RPA3: variants seen among roughly 807,000 people sequenced by gnomAD.
RPA3 encodes the protein replication protein A 14 kDa subunit.
Under a neutral mutation model 13.7 loss-of-function variants are expected in RPA3, and 24 were observed. That is an observed-to-expected ratio of 1.75 (90% confidence interval 1.27 to 2.46). The LOEUF is 2.46. RPA3 is among the 30% of genes most tolerant of loss of function. The probability of loss-of-function intolerance (pLI) is 0.00; values close to 1 mark genes in which losing one functional copy is unlikely to be tolerated. For synonymous variants in RPA3, 59 were observed against 51.2 expected (o/e 1.15, Z -0.65); for missense variants, 183 against 151.0 (o/e 1.21, Z -1.11).
rs538596529 is a variant in RPA3, at chr7:7,640,519, A to G, written c.-101T>C. Reference sequence around the variant, plus strand: ...GCAGATTTCTCGGCACCAATCAGCGAAGACTAGCGCTCCAGCTTCGCCAAT... The same window carrying G: ...GCAGATTTCTCGGCACCAATCAGCGGAGACTAGCGCTCCAGCTTCGCCAAT... On this transcript the variant is annotated 5_prime_UTR_variant, in exon 5 of 8. Transcript: ENST00000223129. 39 of 1,058,046 alleles carry G rather than the reference A, an allele frequency of 3.7e-5. No homozygotes were observed. Among genetic ancestry groups the G allele is most frequent in the Non-Finnish European group, 5.5e-5 (38 of 696,144 alleles). The allele number at this position is 1,058,046 out of a possible 1,614,324, so 65.5% of individuals were successfully genotyped here.
Position 7,636,837 on chromosome 7 carries a change from G to C in RPA3, c.*163C>G. The C allele has an allele frequency of 1.7e-6, 1 of 602,186 alleles. No individual in the cohort carries two copies. The highest frequency in any genetic ancestry group is 2.9e-6 in the Non-Finnish European group (1 of 340,470). The allele number at this position is 602,186 out of a possible 1,614,324, so 37.3% of individuals were successfully genotyped here. ...ATTCTTTATAAAAGGACTTCGGTGA[G>C]AACTGTCAATATATCAGTTCCATCA... is the stretch of plus-strand genomic sequence containing the variant. On this transcript the variant is annotated 3_prime_UTR_variant, in exon 8 of 8. Transcript: ENST00000223129.
intron 1 of RPA3, 83 bp downstream of exon 1, chr7:7,718,432 A>T (rs1346418418): frequency 6.6e-6 from 1 of 152,238 alleles, no homozygotes; most frequent in Non-Finnish European, 1.5e-5. Context: ...TCTAAACTTG[A>T]CTATGTGTGT....
At chr7:7,657,179 T>C (rs1375771544) in intron 4 of RPA3, among the ~76,000 whole-genome samples, 1 of 152,214 alleles carries the variant, frequency 6.6e-6, no homozygotes, top group African/African-American at 2.4e-5. Flanking sequence ...TTCTTGTAAA[T>C]TTGTTTAAAT....
chr7:7,693,371 T>C (rs1394470947), intron 2 of RPA3, among the ~76,000 whole-genome samples: 1 of 151,924 alleles, frequency 6.6e-6, no homozygotes, highest in Non-Finnish European at 1.5e-5. Context: ...CAATGTATAA[T>C]ATAGGAAAAT....
At chr7:7,669,160 C>A (rs1779542139) in intron 4 of RPA3, among the ~76,000 whole-genome samples, 1 of 151,700 alleles carries the variant, frequency 6.6e-6, no homozygotes, top group African/African-American at 2.4e-5. Context: ...AAAAAACATA[C>A]TGTATATAGG....
chr7:7,710,532 A>G (rs1226541904), intron 2 of RPA3, among the ~76,000 whole-genome samples: 1 of 152,210 alleles, frequency 6.6e-6, no homozygotes, highest in Non-Finnish European at 1.5e-5. Context: ...GTATCAGAAT[A>G]GCTAAAATAA....
At chr7:7,683,357 A>T (rs930518497) in intron 4 of RPA3, among the ~76,000 whole-genome samples, 1 of 152,124 alleles carries the variant, frequency 6.6e-6, no homozygotes, top group East Asian at 1.9e-4. Flanking sequence ...AGTTCTCCAG[A>T]TGATTCTAGA....
chr7:7,670,622 G>A (rs1026825553), intron 4 of RPA3, among the ~76,000 whole-genome samples: 2 of 152,150 alleles, frequency 1.3e-5, no homozygotes, highest in African/African-American at 4.8e-5. Flanking sequence ...ATAGCATCAT[G>A]CTCAAAGTTC....
chr7:7,653,774 C>T (rs773617651), intron 4 of RPA3, among the ~76,000 whole-genome samples: 4 of 152,110 alleles, frequency 2.6e-5, no homozygotes, highest in South Asian at 4.1e-4. Flanking sequence ...CCACCAGGGG[C>T]GGTTTTGTCC....
Position 7,713,058 on chromosome 7 carries a change from GC to G in RPA3, c.-1028+2116del, listed in dbSNP as rs1462293409. Among the ~76,000 whole-genome samples, 6 of 152,104 alleles carry G rather than the reference GC, an allele frequency of 3.9e-5. No individual in the cohort carries two copies. The East Asian group carries it at 1.2e-3, about 29-fold the overall frequency. On this transcript the variant is annotated intron_variant, in intron 2 of 7. Transcript: ENST00000223129. ...TTGCTCATTCAAAAAATATTCTAGGGCCGCGCGCGGTGGCTCACACCTATAA... is the reference window on the plus strand; with the variant it reads ...TTGCTCATTCAAAAAATATTCTAGGGCGCGCGCGGTGGCTCACACCTATAA...
chr7:7,678,363 C>T (rs111643520), intron 4 of RPA3, among the ~76,000 whole-genome samples: 2 of 146,664 alleles, frequency 1.4e-5, no homozygotes, highest in Admixed American at 6.9e-5. Flanking sequence ...TTTTAATATG[C>T]CTATTGGTCA....
At chr7:7,658,018 G>A (rs1432530648) in intron 4 of RPA3, among the ~76,000 whole-genome samples, 5 of 152,098 alleles carry the variant, frequency 3.3e-5, no homozygotes, top group Non-Finnish European at 7.4e-5. Flanking sequence ...TTCTTGAAGA[G>A]GTCCTTCATG....
chr7:7,699,630 G>GAAAAGACTA (rs1281645432), intron 2 of RPA3, among the ~76,000 whole-genome samples: 9 of 152,166 alleles, frequency 5.9e-5, no homozygotes, highest in Non-Finnish European at 7.4e-5. Flanking sequence ...TTTAGGACCA[G>GAAAAGACTA]AAAAGACTAC....
At chr7:7,693,835 G>A (rs1316597013) in intron 2 of RPA3, among the ~76,000 whole-genome samples, 1 of 152,028 alleles carries the variant, frequency 6.6e-6, no homozygotes, top group African/African-American at 2.4e-5. Flanking sequence ...TACTTACCAT[G>A]AGTGTATGTA....
chr7:7,706,356 G>T (rs1780599657), intron 2 of RPA3, among the ~76,000 whole-genome samples: 1 of 152,114 alleles, frequency 6.6e-6, no homozygotes, highest in Non-Finnish European at 1.5e-5. Context: ...TGGGTTTGCT[G>T]GTTAGAGCAT....
intron 2 of RPA3, among the ~76,000 whole-genome samples, chr7:7,700,314 T>C (rs1780428149): frequency 6.6e-6 from 1 of 152,166 alleles, no homozygotes; most frequent in South Asian, 2.1e-4. Context: ...AATACCAAAG[T>C]ACCTCCCAAA....
At chr7:7,691,749 T>C (rs1780177420) in intron 2 of RPA3, among the ~76,000 whole-genome samples, 1 of 152,238 alleles carries the variant, frequency 6.6e-6, no homozygotes, top group Non-Finnish European at 1.5e-5. Context: ...TTTATTCTAA[T>C]CTTTATCGAA....
At chr7:7,681,115 A>T (rs1779900653) in intron 4 of RPA3, among the ~76,000 whole-genome samples, 1 of 152,226 alleles carries the variant, frequency 6.6e-6, no homozygotes, top group South Asian at 2.1e-4. Context: ...TTGTAGCAAC[A>T]ACTTTTTATC....
chr7:7,664,301 G>A lies in RPA3; in HGVS notation c.-758+21529C>T, dbSNP rs556304038. 9.2e-4 allele frequency among the ~76,000 whole-genome samples: 140 copies of A among 151,896 alleles called. 1 individual carries two copies. Among genetic ancestry groups the A allele is most frequent in the African/African-American group, 3.3e-3 (137 of 41,404 alleles). On this transcript the variant is annotated intron_variant, in intron 4 of 7. Coordinates refer to ENST00000223129, the MANE Select transcript of RPA3 (RefSeq NM_002947.5). ...ACTTCACCCATCTTAATCCAGTCCC[G>A]TTTCAGTACAACTGTCTTAACTTCT...
Sources: gnomAD v4.1 joint callset for allele counts (sites outside exome capture counted in the v4.1 genomes callset) on GRCh38, gnomAD v4.1.1 for gene constraint, MANE v1.5 for transcripts, NCBI Gene and HGNC (gene_info 2026-07-23, HGNC 2026-07-21) for gene names.